The following DNAI7 variants were observed in gnomAD, a reference collection of about 807,000 sequenced individuals.
DNAI7 encodes the protein dynein axonemal intermediate chain 7.
DNAI7 carries 78 observed loss-of-function variants against 86.6 expected under a neutral mutation model. That is an observed-to-expected ratio of 0.90 (90% confidence interval 0.75 to 1.09). The LOEUF (loss-of-function observed/expected upper bound fraction) is 1.09. Ranked by LOEUF, DNAI7 falls within the 50% of genes least tolerant of loss-of-function variation. The pLI is 0.00. For missense variants in DNAI7, 753 were observed against 810.2 expected (o/e 0.93, Z 0.86); for synonymous variants, 274 against 273.0 (o/e 1.00, Z -0.04).
chr12:25,135,218 G>C (rs1251056391), intron 9 of DNAI7, among the ~76,000 whole-genome samples: 1 of 152,178 alleles, frequency 6.6e-6, no homozygotes, highest in Non-Finnish European at 1.5e-5. Flanking sequence ...TGAAAATCCA[G>C]ATCATGGGAG....
At chr12:25,158,866 A>T (rs138623541) in intron 3 of DNAI7, 126 of 340,970 alleles carry the variant, frequency 3.7e-4, no homozygotes, top group African/African-American at 2.6e-3. Context: ...GTCATCAGAG[A>T]AATGCAAATC....
chr12:25,179,318 G>A (rs899610323), intron 2 of DNAI7, among the ~76,000 whole-genome samples: 8 of 152,030 alleles, frequency 5.3e-5, no homozygotes, highest in South Asian at 2.1e-4. Context: ...AAATGTTTGC[G>A]TGCTTAGAAT....
intron 2 of DNAI7, among the ~76,000 whole-genome samples, chr12:25,183,812 T>C (rs1407544055): frequency 6.6e-6 from 1 of 152,196 alleles, no homozygotes; most frequent in Non-Finnish European, 1.5e-5. Flanking sequence ...TCCATTTATA[T>C]TCCATGTATT....
chr12:25,126,479 G>A (rs1285941389), intron 9 of DNAI7, among the ~76,000 whole-genome samples: 3 of 152,108 alleles, frequency 2.0e-5, no homozygotes, highest in African/African-American at 7.2e-5. Context: ...CCACTAGAAG[G>A]AGCTTATAGG....
At chr12:25,130,042 A>G (rs2140581704) in intron 9 of DNAI7, among the ~76,000 whole-genome samples, 1 of 152,006 alleles carries the variant, frequency 6.6e-6, no homozygotes, top group Admixed American at 6.5e-5. Flanking sequence ...GATTATAGGC[A>G]TGAGACACCA....
At chr12:25,158,716 TC>T in intron 3 of DNAI7, 153 bp from the exon 4 acceptor site, 1 of 1,475,948 alleles carries the variant, frequency 6.8e-7, no homozygotes, top group Non-Finnish European at 9.0e-7. Flanking sequence ...AAGTGTCAGT[TC>T]TCCTTTCTTC....
intron 2 of DNAI7, among the ~76,000 whole-genome samples, chr12:25,164,686 T>G (rs1947234664): frequency 2.0e-5 from 3 of 152,158 alleles, no homozygotes; most frequent in South Asian, 2.1e-4. Flanking sequence ...TAGTCTCTGT[T>G]CCCAGTGCAA....
At chr12:25,110,385 G>A (rs1949723156) in intron 14 of DNAI7, 145 bp from the exon 15 acceptor site, 2 of 607,132 alleles carry the variant, frequency 3.3e-6, no homozygotes, top group South Asian at 2.0e-5. Flanking sequence ...CTCAACACTG[G>A]GCAATGGCTT....
intron 2 of DNAI7, among the ~76,000 whole-genome samples, chr12:25,190,009 G>C (rs10842500): frequency 1.1e-4 from 1 of 9,374 alleles, no homozygotes; most frequent in Non-Finnish European, 3.2e-4. Flanking sequence ...AAAAAAAAAA[G>C]CACTTCTAAG....
chr12:25,179,140 C>A (rs771817296), intron 2 of DNAI7, among the ~76,000 whole-genome samples: 7 of 151,838 alleles, frequency 4.6e-5, no homozygotes, highest in Non-Finnish European at 8.8e-5. Context: ...ACTTCTTGAC[C>A]CATTTTAGAA....
chr12:25,163,590 C>G (rs55950027), intron 2 of DNAI7, among the ~76,000 whole-genome samples: 34,606 of 152,102 alleles, frequency 0.23, 4,079 homozygotes, highest in Middle Eastern at 0.28. Context: ...TCACACAAAG[C>G]CTGTTTGGTG....
downstream of DNAI7, chr12:25,108,266 CTTT>C: frequency 1.7e-6 from 1 of 575,524 alleles, no homozygotes; most frequent in Non-Finnish European, 2.9e-6. Context: ...TTTGAATGAG[CTTT>C]TTAAGGAAGA....
At chr12:25,130,426 A>G (rs1942754776) in intron 9 of DNAI7, among the ~76,000 whole-genome samples, 1 of 152,042 alleles carries the variant, frequency 6.6e-6, no homozygotes, top group South Asian at 2.1e-4. Context: ...AGTCCCAGCT[A>G]CTTGGGAGGC....
intron 3 of DNAI7, 173 bp downstream of exon 3, chr12:25,160,940 A>T: frequency 2.0e-6 from 1 of 492,276 alleles, no homozygotes. Flanking sequence ...TCTGAAAGAG[A>T]CTGGCATGTA....
At chr12:25,122,061 T>C in intron 10 of DNAI7, 148 bp from the exon 11 acceptor site, 1 of 569,218 alleles carries the variant, frequency 1.8e-6, no homozygotes, top group Non-Finnish European at 3.0e-6. Context: ...TCAAAATGAT[T>C]CATAGAGCTG....
At chr12:25,115,812 A>G (rs929483886) in intron 12 of DNAI7, among the ~76,000 whole-genome samples, 19 of 152,226 alleles carry the variant, frequency 1.2e-4, no homozygotes, top group African/African-American at 4.3e-4. Flanking sequence ...TTCCACTCTT[A>G]GGTACATACT....
intron 9 of DNAI7, among the ~76,000 whole-genome samples, chr12:25,143,617 T>C (rs1488613233): frequency 6.6e-6 from 1 of 152,252 alleles, no homozygotes; most frequent in Non-Finnish European, 1.5e-5. Flanking sequence ...TGATTTTAAA[T>C]TTGTATTCAA....
chr12:25,177,647 G>A (rs1949096671), intron 2 of DNAI7, among the ~76,000 whole-genome samples: 1 of 152,146 alleles, frequency 6.6e-6, no homozygotes, highest in Non-Finnish European at 1.5e-5. Context: ...CCGTCTGCAA[G>A]GGGTTTTCTG....
intron 4 of DNAI7, 149 bp from the exon 5 acceptor site, chr12:25,155,561 A>G: frequency 4.1e-6 from 2 of 485,148 alleles, no homozygotes; most frequent in Admixed American, 7.8e-5. Context: ...TATCTCCAAA[A>G]GGTTTCATCT....
Sources: allele counts gnomAD v4.1 joint callset (sites outside exome capture counted in the v4.1 genomes callset), GRCh38; gene constraint gnomAD v4.1.1; transcripts MANE v1.5; gene names NCBI Gene and HGNC (gene_info 2026-07-23, HGNC 2026-07-21).